Variants in ZFHX3 observed in about 807,000 individuals in gnomAD.
ZFHX3 encodes the protein zinc finger homeobox 3.
A neutral mutation model predicts 279.1 loss-of-function variants in ZFHX3; 42 were observed. The observed-to-expected ratio is 0.15, with a 90% CI of 0.12 to 0.19. The LOEUF is 0.19. Ranked by LOEUF, ZFHX3 falls within the 10% of genes least tolerant of loss-of-function variation. The pLI is 1.00. For synonymous variants in ZFHX3, 2,293 were observed against 1,957.8 expected, an observed-to-expected ratio of 1.17 and a Z score of -4.52; for missense variants, 4,981 against 4,754.0, an observed-to-expected ratio of 1.05 and a Z score of -1.40.
intron 1 of ZFHX3, among the ~76,000 whole-genome samples, chr16:73,884,654 T>C (rs2030288930): frequency 6.6e-6 from 1 of 152,200 alleles, no homozygotes; most frequent in African/African-American, 2.4e-5. Context: ...TCAGAGTCTT[T>C]ATTCGCAAAA....
intron 4 of ZFHX3, among the ~76,000 whole-genome samples, chr16:72,844,953 GA>G (rs2037440749): frequency 6.6e-6 from 1 of 151,436 alleles, no homozygotes; most frequent in South Asian, 2.1e-4. Flanking sequence ...TGCCTTCATA[GA>G]GAGCTAAGCC....
chr16:72,892,396 A>T (rs1444610925), intron 3 of ZFHX3, among the ~76,000 whole-genome samples: 1 of 152,220 alleles, frequency 6.6e-6, no homozygotes, highest in Non-Finnish European at 1.5e-5. Context: ...ACCAGAAAGT[A>T]TTGGAAGAAC....
intron 4 of ZFHX3, among the ~76,000 whole-genome samples, chr16:72,842,421 T>G (rs2037366264): frequency 6.6e-6 from 1 of 151,966 alleles, no homozygotes; most frequent in Admixed American, 6.6e-5. Context: ...AACTGGACAG[T>G]GAGAGAATAA....
At chr16:72,892,103 C>T (rs2038787619) in intron 3 of ZFHX3, among the ~76,000 whole-genome samples, 1 of 152,226 alleles carries the variant, frequency 6.6e-6, no homozygotes, top group Non-Finnish European at 1.5e-5. Flanking sequence ...TGCACACGTC[C>T]TGTGTTCACT....
At chr16:72,882,296 T>C (rs1177684843) in intron 4 of ZFHX3, among the ~76,000 whole-genome samples, 1 of 151,406 alleles carries the variant, frequency 6.6e-6, no homozygotes, top group African/African-American at 2.4e-5. Flanking sequence ...GAAGATAGCA[T>C]GGAAGACAGC....
intron 3 of ZFHX3, among the ~76,000 whole-genome samples, chr16:73,410,670 GGACCA>G (rs140679870): frequency 0.04 from 6,157 of 152,210 alleles, 324 homozygotes; most frequent in South Asian, 0.13. Context: ...TCCTGCTCTT[GGACCA>G]GTGTGATCTG....
At chr16:73,314,774 G>A (rs563988247) in intron 4 of ZFHX3, among the ~76,000 whole-genome samples, 1 of 152,194 alleles carries the variant, frequency 6.6e-6, no homozygotes, top group African/African-American at 2.4e-5. Context: ...CAGATTGAAG[G>A]GTAAAAGACC....
At chr16:73,564,380 G>A (rs536849351) in intron 2 of ZFHX3, among the ~76,000 whole-genome samples, 34 of 152,278 alleles carry the variant, frequency 2.2e-4, no homozygotes, top group Non-Finnish European at 3.8e-4. Context: ...CATCCAAAAT[G>A]CTAGCCCCTG....
At chr16:73,876,975 T>C (rs199595484) in intron 1 of ZFHX3, among the ~76,000 whole-genome samples, 1 of 151,502 alleles carries the variant, frequency 6.6e-6, no homozygotes, top group Non-Finnish European at 1.5e-5. Context: ...AAAAAATCTA[T>C]GATACGAGTG....
At chr16:73,115,377 C>CA (rs10685277) in intron 7 of ZFHX3, among the ~76,000 whole-genome samples, 44,142 of 80,752 alleles carry the variant, frequency 0.55, 12,435 homozygotes, top group Non-Finnish European at 0.67. Flanking sequence ...CCTATCTCTA[C>CA]AAAAAAAAAA....
intron 3 of ZFHX3, among the ~76,000 whole-genome samples, chr16:73,421,616 C>T (rs145446679): frequency 7.2e-5 from 11 of 152,192 alleles, no homozygotes; most frequent in African/African-American, 2.2e-4. Flanking sequence ...AAAAAAAAGA[C>T]AAGAAATTCT....
Position 73,343,309 on chromosome 16 carries a change from T to C in ZFHX3, c.-1290-24973A>G, listed in dbSNP as rs558081178. Among the ~76,000 whole-genome samples the C allele has an allele frequency of 3.1e-4, 47 of 152,290 alleles. No individual in the cohort carries two copies. The East Asian group carries it at 8.9e-3, about 29-fold the overall frequency. On this transcript the variant is annotated intron_variant, in intron 3 of 17. Transcript: ENST00000641206. Reference sequence around the variant, plus strand: ...TCCCAGTAGCCCTGATGCTCAGATCTTTCAAATTCTCTTCTTCACCAAAAG... The same window carrying C: ...TCCCAGTAGCCCTGATGCTCAGATCCTTCAAATTCTCTTCTTCACCAAAAG...
chr16:73,881,261 C>T (rs549429116), intron 1 of ZFHX3, among the ~76,000 whole-genome samples: 2 of 152,180 alleles, frequency 1.3e-5, no homozygotes, highest in Admixed American at 1.3e-4. Flanking sequence ...GGCTGCAGTG[C>T]GGAGCAGACA....
chr16:73,281,930 C>T (rs1227348256), intron 4 of ZFHX3, among the ~76,000 whole-genome samples: 1 of 152,016 alleles, frequency 6.6e-6, no homozygotes, highest in African/African-American at 2.4e-5. Context: ...CATGGAGATA[C>T]CAAGTTTAGG....
At chr16:73,182,954 C>A (rs1315097406) in intron 5 of ZFHX3, among the ~76,000 whole-genome samples, 1 of 152,146 alleles carries the variant, frequency 6.6e-6, no homozygotes, top group Non-Finnish European at 1.5e-5. Flanking sequence ...CCTGTAATCC[C>A]AGCACTTTGG....
chr16:73,543,010 G>A (rs1388363068), intron 2 of ZFHX3, among the ~76,000 whole-genome samples: 3 of 152,106 alleles, frequency 2.0e-5, no homozygotes, highest in East Asian at 1.9e-4. Flanking sequence ...GTTTTTAACC[G>A]TATATTTCCA....
chr16:73,362,068 A>G (rs1216210763), intron 3 of ZFHX3, among the ~76,000 whole-genome samples: 2 of 152,210 alleles, frequency 1.3e-5, no homozygotes, highest in East Asian at 1.9e-4. Context: ...TTGTTCCAGC[A>G]TGATTTGGGA....
At chr16:73,781,032 T>G (rs1271449120) in intron 1 of ZFHX3, among the ~76,000 whole-genome samples, 1 of 152,162 alleles carries the variant, frequency 6.6e-6, no homozygotes, top group Non-Finnish European at 1.5e-5. Context: ...ATTAAAAGCT[T>G]TAGCAGTGAT....
intron 3 of ZFHX3, among the ~76,000 whole-genome samples, chr16:73,374,079 A>G (rs1050626956): frequency 3.9e-5 from 6 of 152,188 alleles, no homozygotes; most frequent in African/African-American, 1.4e-4. Flanking sequence ...CTGCAGGTCC[A>G]TCAGAATCAC....
Sources: allele counts gnomAD v4.1 joint callset (sites outside exome capture counted in the v4.1 genomes callset), GRCh38; gene constraint gnomAD v4.1.1; transcripts MANE v1.5; gene names NCBI Gene and HGNC (gene_info 2026-07-23, HGNC 2026-07-21).